DNAH2: variants seen among roughly 807,000 people sequenced by gnomAD.
DNAH2 encodes the protein dynein axonemal heavy chain 2.
DNAH2 carries 323 observed loss-of-function variants against 523.5 expected under a neutral mutation model. The observed-to-expected ratio is 0.62, with a 90% CI of 0.56 to 0.68. The LOEUF is 0.68. Ranked by LOEUF, DNAH2 falls within the 30% of genes least tolerant of loss-of-function variation. The probability of loss-of-function intolerance (pLI) is 0.00; values close to 1 mark genes in which losing one functional copy is unlikely to be tolerated. For synonymous variants in DNAH2, 2,093 were observed against 2,177.4 expected, an observed-to-expected ratio of 0.96 and a Z score of 1.08; for missense variants, 4,907 against 5,701.5, an observed-to-expected ratio of 0.86 and a Z score of 4.49.
chr17:7,774,231 C>T (rs892533054), intron 28 of DNAH2, among the ~76,000 whole-genome samples: 3 of 152,074 alleles, frequency 2.0e-5, no homozygotes, highest in Admixed American at 6.6e-5. Flanking sequence ...GCTGTGATGT[C>T]GCAACAGTCG....
intron 28 of DNAH2, among the ~76,000 whole-genome samples, chr17:7,773,570 C>T (rs1387763138): frequency 2.6e-5 from 4 of 152,108 alleles, no homozygotes; most frequent in East Asian, 1.9e-4. Context: ...TGTTTCTGTT[C>T]GTGTCTCCCT....
intron 56 of DNAH2, among the ~76,000 whole-genome samples, chr17:7,801,016 G>C (rs2151292450): frequency 6.6e-6 from 1 of 151,656 alleles, no homozygotes; most frequent in South Asian, 2.1e-4. Flanking sequence ...GGGACTACAA[G>C]CGCATGCCAC....
intron 36 of DNAH2, among the ~76,000 whole-genome samples, 167 bp downstream of exon 36, chr17:7,779,590 G>T (rs1195759966): frequency 2.6e-5 from 4 of 152,198 alleles, no homozygotes; most frequent in African/African-American, 9.7e-5. Context: ...CTTTCCGGGA[G>T]AAGGGGAAGC....
chr17:7,758,386 A>G, intron 13 of DNAH2, 109 bp from the exon 14 acceptor site: 1 of 1,320,072 alleles, frequency 7.6e-7, no homozygotes, highest in South Asian at 1.6e-5. Context: ...CTAGTCTAGA[A>G]TCTAGACTAG....
chr17:7,732,147 A>T (rs1284811848), intron 4 of DNAH2, among the ~76,000 whole-genome samples: 4 of 150,970 alleles, frequency 2.6e-5, no homozygotes, highest in African/African-American at 9.7e-5. Context: ...AATTAAATAA[A>T]TTGTCAGCCG....
chr17:7,815,724 G>A (rs569444541), intron 63 of DNAH2, among the ~76,000 whole-genome samples: 113 of 135,870 alleles, frequency 8.3e-4, no homozygotes, highest in Non-Finnish European at 1.2e-3. Flanking sequence ...TCACACACAC[G>A]TATACGGGAT....
chr17:7,805,463 G>T (rs2077344334), intron 61 of DNAH2, 70 bp downstream of exon 61: 6 of 1,601,208 alleles, frequency 3.7e-6, no homozygotes, highest in South Asian at 1.1e-5. Context: ...CTGTGCAGCA[G>T]ACACTCAGAA....
rs3833110 is a variant in DNAH2 at position 7,726,902 on chromosome 17, CTGTT to C, written c.229-198_229-195del. On this transcript the variant is annotated intron_variant, in intron 3 of 85. Coordinates refer to ENST00000572933, the MANE Select transcript of DNAH2 (RefSeq NM_020877.5). Reference sequence around the variant, plus strand: ...TAATATCCCAGTTTTCCTCTGTGATCTGTTTGTTTGTTTGTTTGTTTGTTTTATT... The same window carrying C: ...TAATATCCCAGTTTTCCTCTGTGATCTGTTTGTTTGTTTGTTTGTTTTATT... 8.4e-3 allele frequency among the ~76,000 whole-genome samples: 1,283 copies of C among 152,202 alleles called. 10 individuals are homozygous for C. The highest frequency in any genetic ancestry group is 0.019 in the African/African-American group (798 of 41,502).
At chr17:7,746,744 T>G (rs1417036808) in intron 12 of DNAH2, among the ~76,000 whole-genome samples, 1 of 152,154 alleles carries the variant, frequency 6.6e-6, no homozygotes, top group Non-Finnish European at 1.5e-5. Flanking sequence ...CCTAGCACTT[T>G]GGGAGGCCAA....
chr17:7,764,383 T>C, intron 20 of DNAH2, 110 bp downstream of exon 20: 1 of 1,384,724 alleles, frequency 7.2e-7, no homozygotes, highest in African/African-American at 1.4e-5. Flanking sequence ...AGGAGGAGAC[T>C]CTAGATTTGA....
chr17:7,738,736 T>G (rs781617842), intron 8 of DNAH2, among the ~76,000 whole-genome samples: 9 of 152,074 alleles, frequency 5.9e-5, no homozygotes, highest in Non-Finnish European at 1.3e-4. Flanking sequence ...ATGAATCTGC[T>G]CCTAGAACTT....
intron 5 of DNAH2, among the ~76,000 whole-genome samples, chr17:7,733,947 C>T (rs1462769384): frequency 2.0e-5 from 3 of 152,108 alleles, no homozygotes; most frequent in East Asian, 3.9e-4. Context: ...GTGTTGAAGG[C>T]GCGATACAGA....
At chr17:7,736,968 G>C in intron 7 of DNAH2, 99 bp from the exon 8 acceptor site, 1 of 1,174,328 alleles carries the variant, frequency 8.5e-7, no homozygotes, top group South Asian at 1.6e-5. Flanking sequence ...GGTGACAAGA[G>C]TAAAACTCCA....
rs140097820 is a variant in DNAH2 at position 7,750,035 on chromosome 17, A to G, written c.1904+6893A>G. On this transcript the variant is annotated intron_variant, in intron 12 of 85. Coordinates refer to ENST00000572933, the MANE Select transcript of DNAH2 (RefSeq NM_020877.5). The stretch of plus-strand genomic sequence containing the variant: ...TTACCTCATTATTATCGTTATTACT[A>G]TTATTATTATTTGAGATGGAATTTC... 5.7e-3 allele frequency among the ~76,000 whole-genome samples: 861 copies of G among 152,028 alleles called. 4 individuals carry two copies. Among genetic ancestry groups the G allele is most frequent in the African/African-American group, 0.018 (744 of 41,458 alleles).
At chr17:7,793,871 G>C (rs1171216759) in intron 48 of DNAH2, among the ~76,000 whole-genome samples, 1 of 152,056 alleles carries the variant, frequency 6.6e-6, no homozygotes, top group Admixed American at 6.6e-5. Context: ...ATGTGTGTTT[G>C]AGAGAGAACA....
chr17:7,741,063 G>A (rs2075300384), intron 11 of DNAH2, 71 bp downstream of exon 11: 26 of 1,524,858 alleles, frequency 1.7e-5, no homozygotes, highest in South Asian at 2.5e-5. Context: ...TGGCTCCTGA[G>A]AGGTTCCCCA....
intron 12 of DNAH2, among the ~76,000 whole-genome samples, chr17:7,749,860 T>C (rs2075635893): frequency 6.6e-6 from 1 of 151,954 alleles, no homozygotes; most frequent in Non-Finnish European, 1.5e-5. Context: ...CTGGGCATGG[T>C]GGCGGGTGGC....
chr17:7,789,033 A>G (rs1169760370), intron 44 of DNAH2, among the ~76,000 whole-genome samples: 4 of 152,134 alleles, frequency 2.6e-5, no homozygotes, highest in Non-Finnish European at 4.4e-5. Flanking sequence ...GTGTGGTGGC[A>G]CGTGCCTGTA....
chr17:7,793,477 TTC>T (rs1273016182), intron 48 of DNAH2, among the ~76,000 whole-genome samples: 1 of 133,892 alleles, frequency 7.5e-6, no homozygotes, highest in Non-Finnish European at 1.7e-5. Context: ...CTTTCTTTCT[TTC>T]TTTCTTTCTT....
Sources: allele counts gnomAD v4.1 joint callset (sites outside exome capture counted in the v4.1 genomes callset), GRCh38; gene constraint gnomAD v4.1.1; transcripts MANE v1.5; gene names NCBI Gene and HGNC (gene_info 2026-07-23, HGNC 2026-07-21).